Variants in KAT6B observed in about 807,000 individuals in gnomAD.
The protein encoded by KAT6B is histone acetyltransferase KAT6B.
KAT6B carries 10 observed loss-of-function variants against 187.5 expected under a neutral mutation model. That is an observed-to-expected ratio of 0.05 (90% CI 0.03 to 0.09). KAT6B has a LOEUF of 0.09. KAT6B is among the 10% of genes least tolerant of loss of function. KAT6B has a pLI of 1.00. For synonymous variants in KAT6B, 861 were observed against 926.8 expected, an observed-to-expected ratio of 0.93 and a Z score of 1.29; for missense variants, 1,952 against 2,558.9, an observed-to-expected ratio of 0.76 and a Z score of 5.12.
intron 13 of KAT6B, among the ~76,000 whole-genome samples, chr10:74,990,137 G>A (rs1428834514): frequency 7.1e-6 from 1 of 140,140 alleles, no homozygotes; most frequent in Non-Finnish European, 1.5e-5. Context: ...GGAGGTTGCA[G>A]TGAGCCGAGA....
At chr10:74,828,717 G>T (rs1036732251) in intron 1 of KAT6B, among the ~76,000 whole-genome samples, 1 of 151,786 alleles carries the variant, frequency 6.6e-6, no homozygotes, top group Non-Finnish European at 1.5e-5. Flanking sequence ...ACAGGCGCCT[G>T]CCACCACGCC....
intron 1 of KAT6B, among the ~76,000 whole-genome samples, chr10:74,832,411 G>A (rs1840927008): frequency 6.6e-6 from 1 of 152,018 alleles, no homozygotes. Context: ...GATCCCTTGA[G>A]CCCTGGAGTT....
chr10:74,948,005 G>A (rs1446625582), intron 3 of KAT6B, among the ~76,000 whole-genome samples: 1 of 152,198 alleles, frequency 6.6e-6, no homozygotes, highest in Non-Finnish European at 1.5e-5. Flanking sequence ...CTAAGAATGA[G>A]TCTTCTGCTA....
chr10:74,990,937 G>A (rs1347572712), intron 13 of KAT6B, among the ~76,000 whole-genome samples: 1 of 152,096 alleles, frequency 6.6e-6, no homozygotes, highest in Non-Finnish European at 1.5e-5. Flanking sequence ...CAAATAGTCT[G>A]AGCATGGTCC....
intron 12 of KAT6B, among the ~76,000 whole-genome samples, chr10:74,988,505 A>G (rs1842947283): frequency 1.3e-5 from 2 of 152,294 alleles, no homozygotes; most frequent in African/African-American, 4.8e-5. Flanking sequence ...CTTTTTATTC[A>G]TAGGAGAAAT....
At chr10:74,925,728 T>C (rs1482863424) in intron 3 of KAT6B, among the ~76,000 whole-genome samples, 1 of 152,220 alleles carries the variant, frequency 6.6e-6, no homozygotes, top group African/African-American at 2.4e-5. Context: ...GTAACTCTTA[T>C]AACACTTATA....
intron 13 of KAT6B, among the ~76,000 whole-genome samples, chr10:75,013,755 G>T (rs1377713963): frequency 6.6e-6 from 1 of 152,126 alleles, no homozygotes; most frequent in Non-Finnish European, 1.5e-5. Context: ...TAACAGTTAG[G>T]TACAGTTATT....
At chr10:74,923,025 G>T (rs902702083) in intron 3 of KAT6B, among the ~76,000 whole-genome samples, 12 of 152,194 alleles carry the variant, frequency 7.9e-5, no homozygotes, top group Non-Finnish European at 4.4e-5. Context: ...TTAGAAACAG[G>T]TAGAGGTTAT....
In KAT6B at chr10:74,843,268, T is replaced by G. The variant is rs1196336062; in HGVS notation, c.411T>G (p.Ser137Arg). ...TAGAGAAGTATCTCAGAAGTCAAAG[T>G]GATCTCACAAGCACCACCAACAACC... is the stretch of plus-strand genomic sequence containing the variant. ...KNIEKYLRSQSDLTSTTNNPA... is the reference protein window; with the variant it reads ...KNIEKYLRSQRDLTSTTNNPA... Residue 137 changes from serine to arginine, a missense_variant, in exon 3 of 18, where the codon AGT (serine) becomes AGG (arginine). Ser to Arg is a moderately radical substitution (Grantham distance 110). Transcript: ENST00000287239. The G allele has an allele frequency of 1.2e-6, 2 of 1,614,092 alleles. No homozygotes were observed. Among genetic ancestry groups the G allele is most frequent in the East Asian group, 2.2e-5 (1 of 44,884 alleles).
At chr10:74,835,685 A>G (rs987287818) in intron 1 of KAT6B, among the ~76,000 whole-genome samples, 2 of 152,208 alleles carry the variant, frequency 1.3e-5, no homozygotes, top group South Asian at 2.1e-4. Flanking sequence ...CAACAATGCT[A>G]CCTTACAGAG....
At chr10:74,895,747 C>G (rs1262442215) in intron 3 of KAT6B, among the ~76,000 whole-genome samples, 4 of 152,098 alleles carry the variant, frequency 2.6e-5, no homozygotes, top group Non-Finnish European at 5.9e-5. Context: ...ACCGTGTTGG[C>G]CAGGCTGGTC....
chr10:75,003,754 A>G (rs967388499), intron 13 of KAT6B, among the ~76,000 whole-genome samples: 6 of 152,192 alleles, frequency 3.9e-5, no homozygotes, highest in South Asian at 2.1e-4. Flanking sequence ...TAAAGATAAC[A>G]TCAAGGTTGA....
Position 74,862,928 on chromosome 10 carries a change from T to C in KAT6B, c.621+19450T>C, listed in dbSNP as rs577693441. Among the ~76,000 whole-genome samples the C allele has an allele frequency of 1.7e-4, 26 of 152,294 alleles. 1 individual carries two copies. The South Asian group carries it at 5.4e-3, about 32-fold the overall frequency. On this transcript the variant is annotated intron_variant, in intron 3 of 17. Transcript: ENST00000287239. ...TTGGGAAGGAAAAGCTGTAAACCGA[T>C]GTCCTCATTACCTTCTAACGAAGAC...
chr10:74,924,733 A>G (rs1283784326), intron 3 of KAT6B, among the ~76,000 whole-genome samples: 1 of 152,204 alleles, frequency 6.6e-6, no homozygotes. Context: ...ACTTCCTACT[A>G]TGCTGATTGG....
intron 3 of KAT6B, among the ~76,000 whole-genome samples, chr10:74,943,253 A>G: frequency 6.6e-6 from 1 of 152,232 alleles, no homozygotes; most frequent in Admixed American, 6.5e-5. Context: ...TATACAGATA[A>G]AGTTAGACAA....
intron 13 of KAT6B, among the ~76,000 whole-genome samples, chr10:75,010,582 C>T (rs544731953): frequency 4.6e-5 from 7 of 152,322 alleles, no homozygotes; most frequent in Admixed American, 3.3e-4. Flanking sequence ...CTCCCTTCCA[C>T]ATATACACAC....
At chr10:74,890,651 T>C (rs889190580) in intron 3 of KAT6B, among the ~76,000 whole-genome samples, 1 of 152,120 alleles carries the variant, frequency 6.6e-6, no homozygotes, top group African/African-American at 2.4e-5. Flanking sequence ...GGAAGTAAAA[T>C]AGAAAAAGGT....
At chr10:74,942,803 A>T (rs1012276009) in intron 3 of KAT6B, among the ~76,000 whole-genome samples, 1 of 148,688 alleles carries the variant, frequency 6.7e-6, no homozygotes, top group Non-Finnish European at 1.5e-5. Flanking sequence ...GCCATAGCTA[A>T]TGTCATTATT....
intron 17 of KAT6B, 127 bp from the exon 18 acceptor site, chr10:75,028,362 T>C: frequency 7.2e-7 from 1 of 1,390,834 alleles, no homozygotes; most frequent in Non-Finnish European, 1.0e-6. Flanking sequence ...GTCTTTACCA[T>C]CAACTTTTAA....
Sources: gnomAD v4.1 joint callset for allele counts (sites outside exome capture counted in the v4.1 genomes callset) on GRCh38, gnomAD v4.1.1 for gene constraint, MANE v1.5 for transcripts, NCBI Gene and HGNC (gene_info 2026-07-23, HGNC 2026-07-21) for gene names.